Variants in PARP11 observed in about 807,000 individuals in gnomAD.
The protein encoded by PARP11 is protein mono-ADP-ribosyltransferase PARP11.
Under a neutral mutation model 42.9 loss-of-function variants are expected in PARP11, and 31 were observed. That is an observed-to-expected ratio of 0.72 (90% confidence interval 0.54 to 0.98). PARP11 has a LOEUF of 0.98. Among genes scored for constraint, PARP11 ranks in the 50% least tolerant of loss-of-function variants. The probability of loss-of-function intolerance (pLI) is 0.00; values close to 1 mark genes in which losing one functional copy is unlikely to be tolerated. For synonymous variants in PARP11, 137 were observed against 127.3 expected, an observed-to-expected ratio of 1.08 and a Z score of -0.51; for missense variants, 365 against 413.1, an observed-to-expected ratio of 0.88 and a Z score of 1.01.
At chr12:3,867,492 T>G (rs1948412985) in intron 1 of PARP11, among the ~76,000 whole-genome samples, 1 of 152,210 alleles carries the variant, frequency 6.6e-6, no homozygotes, top group Non-Finnish European at 1.5e-5. Flanking sequence ...GAGGCCTGCT[T>G]AAGTGGAGTA....
Position 3,872,727 on chromosome 12 carries a change from A to G in PARP11, c.18+485T>C, listed in dbSNP as rs1948511656. 5.1e-6 allele frequency: 5 copies of G among 985,384 alleles called. No homozygotes were observed. In the East Asian group the frequency reaches 4.5e-4, roughly 90 times the overall value. 61.0% of individuals were successfully genotyped at this position (985,384 alleles called of 1,614,324 possible). A position where few individuals can be genotyped will look rare whatever the true frequency, so the allele number is the denominator to read the frequency against. On this transcript the variant is annotated intron_variant, in intron 1 of 7. Coordinates refer to ENST00000228820, the MANE Select transcript of PARP11 (RefSeq NM_020367.6). The stretch of plus-strand genomic sequence containing the variant: ...TTTAGACTGGTGGGACTGGCAGGTA[A>G]ACCTGAGGCAAATGACTGACTACAG...
chr12:3,834,138 T>C (rs1440005043), intron 1 of PARP11, among the ~76,000 whole-genome samples: 1 of 152,132 alleles, frequency 6.6e-6, no homozygotes, highest in Non-Finnish European at 1.5e-5. Flanking sequence ...CAAGGGCTGC[T>C]ACCAGCACTC....
chr12:3,837,633 G>A (rs1429915924), intron 1 of PARP11, among the ~76,000 whole-genome samples: 1 of 150,998 alleles, frequency 6.6e-6, no homozygotes, highest in East Asian at 1.9e-4. Flanking sequence ...CTCGCTTCTC[G>A]AATTAAAGAG....
chr12:3,846,929 T>G (rs577808048), intron 1 of PARP11, among the ~76,000 whole-genome samples: 78 of 151,432 alleles, frequency 5.2e-4, no homozygotes, highest in South Asian at 2.9e-3. Flanking sequence ...TGCACAAAAT[T>G]TAAAAATTAG....
intron 1 of PARP11, among the ~76,000 whole-genome samples, chr12:3,853,956 A>G (rs1948145878): frequency 6.6e-6 from 1 of 152,250 alleles, no homozygotes; most frequent in Admixed American, 6.5e-5. Flanking sequence ...CAGTGTAATC[A>G]AATTAGAACT....
Position 3,822,134 on chromosome 12 carries a change from A to G in PARP11, c.368T>C (p.Ile123Thr). The change falls in exon 5 of 8, where the codon ATC (isoleucine) becomes ACC (threonine). Residue 123 changes from isoleucine to threonine, a missense_variant. Physicochemically the swap from Ile to Thr is moderately conservative, Grantham distance 89 (BLOSUM62 -1). Coordinates refer to ENST00000228820, the MANE Select transcript of PARP11 (RefSeq NM_020367.6). The part of the protein sequence containing the change: ...AFSYICENEA[I>T]PMPPHWENVN... ...ATTCTCCCAGTGTGGTGGCATAGGG[A>G]TGGCCTCGTTTTCACAGATGTAACT... 1 of 1,613,970 alleles carries G rather than the reference A, an allele frequency of 6.2e-7. No individual in the cohort carries two copies. Among genetic ancestry groups the G allele is most frequent in the Non-Finnish European group, 8.5e-7 (1 of 1,179,898 alleles).
At chr12:3,825,182 T>G (rs2138034137) in intron 4 of PARP11, among the ~76,000 whole-genome samples, 1 of 152,330 alleles carries the variant, frequency 6.6e-6, no homozygotes, top group South Asian at 2.1e-4. Flanking sequence ...AAGAGTCATT[T>G]TAGAAAATAG....
chr12:3,869,499 G>A (rs1948439712), intron 1 of PARP11, among the ~76,000 whole-genome samples: 1 of 152,170 alleles, frequency 6.6e-6, no homozygotes, highest in South Asian at 2.1e-4. Flanking sequence ...CTGTGTCCCA[G>A]CCACATAGGC....
intron 7 of PARP11, among the ~76,000 whole-genome samples, chr12:3,812,643 T>C (rs1178609989): frequency 1.3e-5 from 2 of 152,294 alleles, no homozygotes; most frequent in African/African-American, 2.4e-5. Flanking sequence ...AGGAATAGAT[T>C]TGTTGGTACA....
chr12:3,827,927 C>T (rs1256571536), intron 3 of PARP11, among the ~76,000 whole-genome samples: 1 of 152,218 alleles, frequency 6.6e-6, no homozygotes, highest in African/African-American at 2.4e-5. Context: ...GAAAGCCTCC[C>T]ATCCAGGTCT....
At chr12:3,826,362 GT>G (rs1163694470) in intron 3 of PARP11, 129 bp from the exon 4 acceptor site, 1 of 591,634 alleles carries the variant, frequency 1.7e-6, no homozygotes, top group African/African-American at 1.9e-5. Context: ...GGCAAGCATA[GT>G]GTATTATGGG....
At position 3,812,019 on chromosome 12, in the gene PARP11, C is replaced by T. The variant is rs1343620214; in HGVS notation, c.*104G>A. The T allele has an allele frequency of 1.2e-6, 1 of 866,856 alleles. No homozygotes were observed. The highest frequency in any genetic ancestry group is 2.7e-5 in the Admixed American group (1 of 37,010). The allele number at this position is 866,856 out of a possible 1,614,324, so 53.7% of individuals were successfully genotyped here. ...AGGCCACTTTTTTTCATATCTGTTT[C>T]AAAAGTATCAGATAATTAACATTTA... On this transcript the variant is annotated 3_prime_UTR_variant, in exon 8 of 8. Transcript: ENST00000228820.
chr12:3,814,008 C>T (rs928561825), intron 7 of PARP11, 29 bp downstream of exon 7: 1 of 1,514,898 alleles, frequency 6.6e-7, no homozygotes, highest in South Asian at 1.3e-5. Context: ...TCCTGGGGCT[C>T]AAATTGGACC....
At chr12:3,841,977 C>T (rs1020176347) in intron 1 of PARP11, 36 of 1,610,294 alleles carry the variant, frequency 2.2e-5, no homozygotes, top group Non-Finnish European at 3.1e-5. Flanking sequence ...CAGACGAAGG[C>T]CGGACAGAGC....
chr12:3,824,113 ATC>A (rs1238589898), intron 4 of PARP11, among the ~76,000 whole-genome samples: 1 of 152,140 alleles, frequency 6.6e-6, no homozygotes, highest in Non-Finnish European at 1.5e-5. Flanking sequence ...TATAGAAATC[ATC>A]TGTTTTCCCA....
rs192123722 is a variant in PARP11, at chr12:3,840,548, A to G, written c.19-10530T>C. 15 of 1,594,318 alleles carry G rather than the reference A, an allele frequency of 9.4e-6. No individual in the cohort carries two copies. In the East Asian group the frequency reaches 2.9e-4, roughly 31 times the overall value. Reference sequence around the variant, plus strand: ...AAAAATCTTAGCCGGACACCTTCACAGATCATAAGAAAACCTGATCGTGAA... The same window carrying G: ...AAAAATCTTAGCCGGACACCTTCACGGATCATAAGAAAACCTGATCGTGAA... On this transcript the variant is annotated intron_variant, in intron 1 of 7. Transcript: ENST00000228820. This position sits in a 1 kb window ranked among gnomAD's most constrained non-coding sequence, Gnocchi z 4.4.
intron 6 of PARP11, 27 bp downstream of exon 6, chr12:3,821,846 G>C (rs1261926588): frequency 6.3e-7 from 1 of 1,589,700 alleles, no homozygotes; most frequent in Non-Finnish European, 8.5e-7. Flanking sequence ...GTGGAAAGGA[G>C]AAGTTTCAGA....
intron 1 of PARP11, chr12:3,872,424 A>AT (rs1948503328): frequency 1.5e-6 from 1 of 659,602 alleles, no homozygotes. Context: ...GAAAGGTACT[A>AT]AAGTTTTCGG....
At chr12:3,822,812 T>G (rs922132712) in intron 4 of PARP11, among the ~76,000 whole-genome samples, 2 of 152,134 alleles carry the variant, frequency 1.3e-5, no homozygotes, top group Non-Finnish European at 2.9e-5. Context: ...ATCAAGCTCC[T>G]GATGAAAACA....
Sources: gnomAD v4.1 joint callset for allele counts (sites outside exome capture counted in the v4.1 genomes callset) on GRCh38, gnomAD v4.1.1 for gene constraint, Gnocchi (gnomAD v3.1) non-coding constraint, MANE v1.5 for transcripts, NCBI Gene and HGNC (gene_info 2026-07-23, HGNC 2026-07-21) for gene names.